Variants in APEH observed in about 807,000 individuals in gnomAD.
APEH encodes the protein acylamino-acid-releasing enzyme.
In APEH, 75 loss-of-function variants were observed where a neutral mutation model predicts 102.7. That is an observed-to-expected ratio of 0.73 (90% CI 0.61 to 0.89). The LOEUF is 0.89. Among genes scored for constraint, APEH ranks in the 40% least tolerant of loss-of-function variants. The pLI, the probability that APEH is intolerant of heterozygous loss-of-function variation, is 0.00. For synonymous variants in APEH, 344 were observed against 362.7 expected (o/e 0.95, Z 0.59); for missense variants, 863 against 941.2 (o/e 0.92, Z 1.09).
chr3:49,675,858 C>T (rs368213037), intron 4 of APEH, 33 bp from the exon 5 acceptor site: 37 of 1,613,186 alleles, frequency 2.3e-5, no homozygotes, highest in Non-Finnish European at 2.8e-5. Context: ...GCTCTGTTAG[C>T]GGGCAAACAG....
At chr3:49,682,475 G>A in intron 18 of APEH, 39 bp downstream of exon 18, 1 of 1,612,324 alleles carries the variant, frequency 6.2e-7, no homozygotes, top group Non-Finnish European at 8.5e-7. Context: ...CTGAAACATG[G>A]GCTGCCAGGG....
intron 13 of APEH, 173 bp from the exon 14 acceptor site, chr3:49,680,366 CTG>C (rs1324194486): frequency 6.7e-6 from 4 of 596,232 alleles, no homozygotes; most frequent in African/African-American, 1.9e-5. Flanking sequence ...GAACAACAGA[CTG>C]AGAGCAGGAG....
chr3:49,681,149 G>C lies in APEH; in HGVS notation c.1348G>C (p.Val450Leu), dbSNP rs749926479. The change falls in exon 15 of 22, where the codon GTG (valine) becomes CTG (leucine). Residue 450 changes from valine to leucine, a missense_variant. Physicochemically the swap from Val to Leu is conservative, Grantham distance 32. Transcript: ENST00000296456. ...AGGGAAGGAGCAGTCAGTGTTGTGG[G>C]TGTCCCTGGAGGAGGCCGAGCCCAT... ...SAGKEQSVLW[V>L]SLEEAEPIPD... 1 of 1,610,116 alleles carries C rather than the reference G, an allele frequency of 6.2e-7. No homozygotes were observed. Among genetic ancestry groups the C allele is most frequent in the Non-Finnish European group, 8.5e-7 (1 of 1,177,972 alleles).
chr3:49,679,015 C>G lies in APEH; in HGVS notation c.1158+66C>G. ...CAACCCCCAGGAGCCCTGGGGGTTG[C>G]ATGTGCATGCCCCTGGGTGGAATGC... On this transcript the variant is annotated intron_variant, in intron 12 of 21. Coordinates refer to ENST00000296456, the MANE Select transcript of APEH (RefSeq NM_001640.4). The surrounding 1 kb of genome is among the most constrained non-coding windows in gnomAD (Gnocchi z 4.3). 1 of 1,328,020 alleles carries G rather than the reference C, an allele frequency of 7.5e-7. No homozygotes were observed. The highest frequency in any genetic ancestry group is 1.1e-6 in the Non-Finnish European group (1 of 931,782). The allele number at this position is 1,328,020 out of a possible 1,614,324, so 82.3% of individuals were successfully genotyped here.
Position 49,682,592 on chromosome 3 carries a change from A to C in APEH, c.1739A>C (p.His580Pro). ...VLQEEHFDAS[H>P]VALMGGSHGG... ...CAGGAGGAACACTTTGATGCAAGCC[A>C]TGTGGCCCTTATGGGTGGTTCCCAT... The change falls in exon 19 of 22, where the codon CAT becomes CCT. Residue 580 changes from histidine to proline, a missense_variant. Coordinates refer to ENST00000296456, the MANE Select transcript of APEH (RefSeq NM_001640.4). The C allele has an allele frequency of 1.2e-6, 2 of 1,614,174 alleles. No individual in the cohort carries two copies. Among genetic ancestry groups the C allele is most frequent in the Non-Finnish European group, 1.7e-6 (2 of 1,180,038 alleles).
rs372909983 is a variant in APEH at position 49,682,921 on chromosome 3, A to G, written c.1962A>G (p.Lys654=). 6.2e-7 allele frequency: 1 copy of G among 1,613,810 alleles called. No individual in the cohort carries two copies. Among genetic ancestry groups the G allele is most frequent in the Non-Finnish European group, 8.5e-7 (1 of 1,180,014 alleles). ...DLSVWAEMLD[K]SPIRYIPQVK... is the part of the protein sequence containing the mutation. ...GCGTGTGGGCTGAGATGCTGGACAA[A>G]TCGCCCATCAGATACATCCCTCAGG... Residue 654 remains lysine, a synonymous_variant, in exon 20 of 22, where the codon AAA becomes AAG. Coordinates refer to ENST00000296456, the MANE Select transcript of APEH (RefSeq NM_001640.4).
chr3:49,675,333 T>C (rs1575464443), intron 3 of APEH, 24 bp downstream of exon 3: 1 of 1,612,466 alleles, frequency 6.2e-7, no homozygotes, highest in Non-Finnish European at 8.5e-7. Flanking sequence ...AGGAAGCTTG[T>C]GGGCAAGGCC....
chr3:49,675,210 T>C lies in APEH; in HGVS notation c.173T>C (p.Met58Thr), dbSNP rs2052969232. 3 of 1,614,050 alleles carry C rather than the reference T, an allele frequency of 1.9e-6. No homozygotes were observed. The East Asian group carries it at 6.7e-5, about 36-fold the overall frequency. ...TGGACCCAGAGGGACCTGGAACGCA[T>C]GGAGAACATTCGATTCTGCCGCCAA... is the stretch of plus-strand genomic sequence containing the variant. The part of the protein sequence containing the change: ...TEWTQRDLER[M>T]ENIRFCRQYL... Residue 58 changes from methionine (M) to threonine (T), a missense_variant, in exon 3 of 22, where the codon ATG becomes ACG. By Grantham distance (81) the Met-to-Thr change is moderately conservative (BLOSUM62 -1). Coordinates refer to ENST00000296456, the MANE Select transcript of APEH (RefSeq NM_001640.4).
In APEH at chr3:49,678,959, G is replaced by A. The variant is rs371925092; in HGVS notation, c.1158+10G>A. ...TCAGCGCAGCCGGCAGGTGAGGGAC[G>A]CTGATTGTGTTGAGGGGCAGCCCCT... On this transcript the variant is annotated intron_variant, in intron 12 of 21. Transcript: ENST00000296456. 8.7e-5 allele frequency: 140 copies of A among 1,610,404 alleles called. No homozygotes were observed. Among genetic ancestry groups the A allele is most frequent in the Non-Finnish European group, 1.1e-4 (132 of 1,177,714 alleles).
chr3:49,680,479 G>C, intron 13 of APEH, 62 bp from the exon 14 acceptor site: 1 of 1,449,056 alleles, frequency 6.9e-7, no homozygotes, highest in Non-Finnish European at 9.7e-7. Context: ...CTCTGTTACA[G>C]AGAAGCAGGT....
At chr3:49,675,869 C>T (rs1434132887) in intron 4 of APEH, 22 bp from the exon 5 acceptor site, 9 of 1,613,912 alleles carry the variant, frequency 5.6e-6, no homozygotes, top group Non-Finnish European at 7.6e-6. Context: ...GGGCAAACAG[C>T]CTAATGCCCA....
chr3:49,682,566 C>G lies in APEH; in HGVS notation c.1713C>G (p.Leu571=). Residue 571 remains leucine, a synonymous_variant, in exon 19 of 22, where the codon CTC becomes CTG. Transcript: ENST00000296456. ...TGCAGTTTGCAGTGGAACAGGTGCT[C>G]CAGGAGGAACACTTTGATGCAAGCC... ...KDVQFAVEQV[L]QEEHFDASHV... is the part of the protein sequence containing the mutation. 1 of 1,614,112 alleles carries G rather than the reference C, an allele frequency of 6.2e-7. No individual in the cohort carries two copies. Among genetic ancestry groups the G allele is most frequent in the Non-Finnish European group, 8.5e-7 (1 of 1,180,004 alleles).
At chr3:49,676,553 G>A in intron 7 of APEH, 38 bp downstream of exon 7, 1 of 1,614,248 alleles carries the variant, frequency 6.2e-7, no homozygotes. Context: ...TGGAGTCTGG[G>A]ACCCTTCTTG....
At position 49,678,832 on chromosome 3, in the gene APEH, C is replaced by T. The variant is rs370793090; in HGVS notation, c.1061-20C>T. The T allele has an allele frequency of 1.9e-6, 3 of 1,595,546 alleles. No individual in the cohort carries two copies. Among genetic ancestry groups the T allele is most frequent in the Non-Finnish European group, 2.6e-6 (3 of 1,163,528 alleles). Reference sequence around the variant, plus strand: ...CTACCTCCACTCCTGGATGCAGCCTCAGCCCTCCTATCTTTACAGAGAACT... The same window carrying T: ...CTACCTCCACTCCTGGATGCAGCCTTAGCCCTCCTATCTTTACAGAGAACT... On this transcript the variant is annotated intron_variant, in intron 11 of 21. Transcript: ENST00000296456.
chr3:49,683,423 G>A lies in APEH; in HGVS notation c.*81G>A. 7.8e-7 allele frequency: 1 copy of A among 1,277,108 alleles called. No individual in the cohort carries two copies. The allele number at this position is 1,277,108 out of a possible 1,614,324, so 79.1% of individuals were successfully genotyped here. On this transcript the variant is annotated 3_prime_UTR_variant, in exon 22 of 22. Transcript: ENST00000296456. ...GCTCAACGGTCTGGCAGGGCAGCAG[G>A]AGGCTTTCTGGGCTCTGGACTCCAC...
intron 11 of APEH, 127 bp downstream of exon 11, chr3:49,677,760 G>A: frequency 1.1e-6 from 1 of 916,442 alleles, no homozygotes; most frequent in East Asian, 2.5e-5. Flanking sequence ...TGCTGGGCCA[G>A]CCTTATGCCC....
At chr3:49,681,068 G>A (rs773257159) in intron 14 of APEH, 33 bp from the exon 15 acceptor site, 21 of 1,533,356 alleles carry the variant, frequency 1.4e-5, no homozygotes, top group Non-Finnish European at 1.1e-5. Flanking sequence ...GAGGCAGCCA[G>A]GCCACCTATG....
chr3:49,682,174 A>G (rs2053356769), intron 17 of APEH, among the ~76,000 whole-genome samples, 174 bp from the exon 18 acceptor site: 1 of 152,234 alleles, frequency 6.6e-6, no homozygotes, highest in Admixed American at 6.5e-5. Context: ...TTCCAAGGAA[A>G]GGGCGCTGTG....
At position 49,674,632 on chromosome 3, in the gene APEH, G is replaced by A. The variant is rs2052934131; in HGVS notation, c.145+11G>A. On this transcript the variant is annotated intron_variant, in intron 2 of 21. Coordinates refer to ENST00000296456, the MANE Select transcript of APEH (RefSeq NM_001640.4). ...GGACGGTGCACACTGGTGTGTGTGC[G>A]AAGGGGAACTGGCTGGCGACGGGGT... is the stretch of plus-strand genomic sequence containing the variant. The A allele has an allele frequency of 6.3e-7, 1 of 1,587,272 alleles. No individual in the cohort carries two copies. Among genetic ancestry groups the A allele is most frequent in the Non-Finnish European group, 8.5e-7 (1 of 1,176,060 alleles).
Sources: gnomAD v4.1 joint callset for allele counts (sites outside exome capture counted in the v4.1 genomes callset) on GRCh38, gnomAD v4.1.1 for gene constraint, Gnocchi (gnomAD v3.1) non-coding constraint, MANE v1.5 for transcripts, NCBI Gene and HGNC (gene_info 2026-07-23, HGNC 2026-07-21) for gene names.